GK5: variants seen among roughly 807,000 people sequenced by gnomAD.
GK5 encodes the protein glycerol kinase 5, also known as ATP:glycerol 3-phosphotransferase 5.
A neutral mutation model predicts 77.3 loss-of-function variants in GK5; 39 were observed. The ratio of observed to expected loss-of-function variants is 0.50; its 90% confidence interval spans 0.39 to 0.66. The LOEUF (loss-of-function observed/expected upper bound fraction) is 0.66, where lower values mean the gene tolerates loss of function less well. GK5 is among the 30% of genes least tolerant of loss of function. The pLI is 0.00. For synonymous variants in GK5, 211 were observed against 208.0 expected, an observed-to-expected ratio of 1.01 and a Z score of -0.13; for missense variants, 487 against 633.8, an observed-to-expected ratio of 0.77 and a Z score of 2.49.
intron 1 of GK5, 28 bp downstream of exon 1, chr3:142,225,281 C>G: frequency 2.0e-6 from 3 of 1,516,686 alleles, no homozygotes; most frequent in Non-Finnish European, 2.7e-6. Flanking sequence ...CCAGTCAGAC[C>G]CGCGCCCCAC....
At chr3:142,194,820 TA>T (rs548779389) in intron 5 of GK5, among the ~76,000 whole-genome samples, 1 of 151,050 alleles carries the variant, frequency 6.6e-6, no homozygotes, top group South Asian at 2.1e-4. Context: ...ATCTGCATCA[TA>T]GAGATAGTTT....
rs1553825247 is a variant in GK5, at chr3:142,159,853, C to CTCTTTTTTTTTTTTTTTTTT, written c.*5768_*5769insAAAAAAAAAAAAAAAAAAGA. The stretch of plus-strand genomic sequence containing the variant: ...TTTCTCTCTCTCTCTCTCTCTCTCT[C>CTCTTTTTTTTTTTTTTTTTT]TTTTTTTTTTTTGAGACAGAGTCTC... On this transcript the variant is annotated 3_prime_UTR_variant, in exon 16 of 16. Transcript: ENST00000392993. The CTCTTTTTTTTTTTTTTTTTT allele has an allele frequency of 9.4e-5, 10 of 106,122 alleles. No homozygotes were observed. The highest frequency in any genetic ancestry group is 2.9e-4 in the African/African-American group (7 of 24,292). 6.6% of individuals were successfully genotyped at this position (106,122 alleles called of 1,614,324 possible).
At chr3:142,223,003 C>T (rs754186025) in intron 1 of GK5, among the ~76,000 whole-genome samples, 6 of 152,190 alleles carry the variant, frequency 3.9e-5, no homozygotes, top group Middle Eastern at 3.2e-3. Flanking sequence ...TCTTAATCTA[C>T]GACTGTGCTT....
intron 1 of GK5, among the ~76,000 whole-genome samples, chr3:142,216,257 G>C (rs1436049431): frequency 6.6e-6 from 1 of 152,138 alleles, no homozygotes; most frequent in East Asian, 1.9e-4. Context: ...AGAACTGGGA[G>C]CTAGGGCACA....
intron 9 of GK5, chr3:142,185,556 C>T: frequency 9.6e-7 from 1 of 1,042,348 alleles, no homozygotes; most frequent in Non-Finnish European, 1.2e-6. Flanking sequence ...TTTGTGGTTA[C>T]ACATTATCAA....
In GK5 at chr3:142,218,490, G is replaced by A. The variant is rs182750918; in HGVS notation, c.148-2798C>T. ...CCGGAAGGCAGAGGTTCAGCGAGCC[G>A]AGATCAAACCACTGCACTCCAGCCT... On this transcript the variant is annotated intron_variant, in intron 1 of 15. Transcript: ENST00000392993. Among the ~76,000 whole-genome samples, 36 of 145,056 alleles carry A rather than the reference G, an allele frequency of 2.5e-4. No individual in the cohort carries two copies. The East Asian group carries it at 6.3e-3, about 25-fold the overall frequency.
chr3:142,171,421 G>T lies in GK5; in HGVS notation c.1305C>A (p.Ile435=), dbSNP rs2063535978. 1 of 1,477,226 alleles carries T rather than the reference G, an allele frequency of 6.8e-7. No homozygotes were observed. The highest frequency in any genetic ancestry group is 9.1e-7 in the Non-Finnish European group (1 of 1,096,920). 91.5% of individuals were successfully genotyped at this position (1,477,226 alleles called of 1,614,324 possible). ...KKEIHIPVRK[I]RADGGVCKNG... ...TATTAGAAATAAACTTTACATACCG[G>T]ATTTTTCTTACAGGAATATGAATCT... is the stretch of plus-strand genomic sequence containing the variant. Residue 435 remains isoleucine, a splice_region_variant and synonymous_variant, in exon 14 of 16, where the codon ATC becomes ATA. Coordinates refer to ENST00000392993, the MANE Select transcript of GK5 (RefSeq NM_001039547.3).
rs1205057245 is a variant in GK5, at chr3:142,198,913, T to A, written c.432A>T (p.Arg144=). The A allele has an allele frequency of 6.2e-7, 1 of 1,612,112 alleles. No individual in the cohort carries two copies. ...TACTTCTAGTGAAAAAGTGAAGCAC[T>A]CGGCAAGAACTGTGAAATATCTATA... is the stretch of plus-strand genomic sequence containing the variant. The part of the protein sequence containing the change: ...LLMKIFHSSC[R]VLHFFTRSKR... The change falls in exon 5 of 16, where the codon CGA becomes CGT. Residue 144 remains arginine, a synonymous_variant. Transcript: ENST00000392993.
intron 15 of GK5, among the ~76,000 whole-genome samples, chr3:142,168,918 C>A (rs1374880010): frequency 6.6e-6 from 1 of 152,138 alleles, no homozygotes; most frequent in Non-Finnish European, 1.5e-5. Context: ...GGATATTGAG[C>A]CAACCATCTC....
At chr3:142,193,843 T>C (rs952727185) in intron 5 of GK5, among the ~76,000 whole-genome samples, 19 of 152,110 alleles carry the variant, frequency 1.2e-4, no homozygotes, top group African/African-American at 4.3e-4. Flanking sequence ...CCAGTTCAAG[T>C]GATTCTCCTG....
chr3:142,185,505 A>G, intron 9 of GK5: 1 of 1,000,182 alleles, frequency 1.0e-6, no homozygotes. Context: ...TATTAAATGT[A>G]CATACAACTT....
intron 5 of GK5, among the ~76,000 whole-genome samples, chr3:142,189,924 TCACATATATA>T (rs910999810): frequency 1.3e-5 from 2 of 151,892 alleles, no homozygotes; most frequent in African/African-American, 4.8e-5. Flanking sequence ...AATATCAAGG[TCACATATATA>T]CACATATATA....
chr3:142,202,189 C>T (rs542782174), intron 4 of GK5, among the ~76,000 whole-genome samples: 81 of 152,238 alleles, frequency 5.3e-4, no homozygotes, highest in South Asian at 1.2e-3. Context: ...AAGAGCCAAA[C>T]CTTGGTAAGG....
chr3:142,168,267 C>T (rs1006668405), intron 15 of GK5, among the ~76,000 whole-genome samples: 8 of 151,912 alleles, frequency 5.3e-5, no homozygotes, highest in Non-Finnish European at 1.0e-4. Context: ...CAATCAGGCA[C>T]GTGAAAGTAA....
intron 9 of GK5, among the ~76,000 whole-genome samples, chr3:142,184,094 T>TA (rs891249439): frequency 1.0e-4 from 15 of 149,612 alleles, no homozygotes; most frequent in African/African-American, 2.5e-4. Flanking sequence ...CCATCTCTAC[T>TA]AAAAAAAATA....
chr3:142,191,011 T>A (rs899367288), intron 5 of GK5, among the ~76,000 whole-genome samples: 30 of 152,100 alleles, frequency 2.0e-4, no homozygotes, highest in African/African-American at 7.2e-4. Context: ...AAAAAGTAAC[T>A]ATATTTCTAA....
chr3:142,202,743 G>A lies in GK5; in HGVS notation c.411+1952C>T, dbSNP rs116998403. ...AGGCTGAGGTGGGCGGATCACGTGA[G>A]GCTAGGAGTTCAAGACCAACCTGAC... On this transcript the variant is annotated intron_variant, in intron 4 of 15. Transcript: ENST00000392993. Among the ~76,000 whole-genome samples, 567 of 152,264 alleles carry A rather than the reference G, an allele frequency of 3.7e-3. 23 individuals are homozygous for A. The East Asian group carries it at 0.081, about 22-fold the overall frequency.
chr3:142,157,743 C>T lies in GK5; in HGVS notation c.*7879G>A, dbSNP rs1320931345. 3.9e-5 allele frequency: 6 copies of T among 152,008 alleles called. No homozygotes were observed. Among genetic ancestry groups the T allele is most frequent in the Non-Finnish European group, 7.4e-5 (5 of 68,010 alleles). The allele number at this position is 152,008 out of a possible 1,614,324, so 9.4% of individuals were successfully genotyped here. ...ATATTTTCACAACAAATTTTATTTT[C>T]CCCACAACAAAGAATTATCCCACTT... On this transcript the variant is annotated 3_prime_UTR_variant, in exon 16 of 16. Transcript: ENST00000392993.
chr3:142,191,820 C>CTAAATAAA (rs931359842), intron 5 of GK5, among the ~76,000 whole-genome samples: 5 of 151,960 alleles, frequency 3.3e-5, no homozygotes, highest in African/African-American at 1.2e-4. Context: ...GACTCTGTCT[C>CTAAATAAA]TAAATAAATA....
Sources: allele counts gnomAD v4.1 joint callset (sites outside exome capture counted in the v4.1 genomes callset), GRCh38; gene constraint gnomAD v4.1.1; transcripts MANE v1.5; gene names NCBI Gene and HGNC (gene_info 2026-07-23, HGNC 2026-07-21).